DNM2: variants seen among roughly 807,000 people sequenced by gnomAD.
DNM2 encodes dynamin 2.
DNM2 carries 15 observed loss-of-function variants against 99.0 expected under a neutral mutation model. The ratio of observed to expected loss-of-function variants is 0.15; its 90% CI spans 0.10 to 0.23. The LOEUF (loss-of-function observed/expected upper bound fraction) is 0.23, where lower values mean the gene tolerates loss of function less well. Ranked by LOEUF, DNM2 falls within the 10% of genes least tolerant of loss-of-function variation. The pLI is 1.00. For missense variants in DNM2, 742 were observed against 1,189.4 expected, an observed-to-expected ratio of 0.62 and a Z score of 5.53; for synonymous variants, 525 against 481.2, an observed-to-expected ratio of 1.09 and a Z score of -1.19.
At position 10,811,461 on chromosome 19, in the gene DNM2, G is replaced by A. The variant is rs560224493; in HGVS notation, c.1558-803G>A. The A allele has an allele frequency of 1.4e-5, 5 of 351,590 alleles. No individual in the cohort carries two copies. Among genetic ancestry groups the A allele is most frequent in the South Asian group, 1.0e-4 (5 of 47,768 alleles). The allele number at this position is 351,590 out of a possible 1,614,324, so 21.8% of individuals were successfully genotyped here. A position where few individuals can be genotyped will look rare whatever the true frequency, so the allele number is the denominator to read the frequency against. On this transcript the variant is annotated intron_variant, in intron 14 of 20. Coordinates refer to ENST00000389253, the MANE Select transcript of DNM2 (RefSeq NM_001005361.3). The surrounding 1 kb of genome is among the most constrained non-coding windows in gnomAD (Gnocchi z 5.4). ...GGATGCAGGCCAGCCCTTCGCAGCT[G>A]TCCATGGCCATGCTCAGCCCACCCT... is the stretch of plus-strand genomic sequence containing the variant.
chr19:10,753,972 A>G (rs944121600), intron 1 of DNM2, among the ~76,000 whole-genome samples: 1 of 152,210 alleles, frequency 6.6e-6, no homozygotes, highest in African/African-American at 2.4e-5. Flanking sequence ...TCTTATATAT[A>G]AGGTGATTGA....
intron 1 of DNM2, among the ~76,000 whole-genome samples, chr19:10,753,399 C>G (rs1251793892): frequency 2.3e-4 from 28 of 123,568 alleles, no homozygotes; most frequent in African/African-American, 8.1e-4. Context: ...CCCCCCTCCC[C>G]CTTCCCTTCC....
chr19:10,811,594 C>T lies in DNM2; in HGVS notation c.1558-670C>T. On this transcript the variant is annotated intron_variant, in intron 14 of 20. Coordinates refer to ENST00000389253, the MANE Select transcript of DNM2 (RefSeq NM_001005361.3). This position sits in a 1 kb window ranked among gnomAD's most constrained non-coding sequence, Gnocchi z 5.4. ...CCCTCGTCCTGAGTGGGGTGGGGGG[C>T]TCTGCCCACACATGCCTCCAGCGGC... The T allele has an allele frequency of 2.4e-6, 1 of 422,554 alleles. No individual in the cohort carries two copies. Among genetic ancestry groups the T allele is most frequent in the East Asian group, 7.1e-5 (1 of 14,184 alleles). 26.2% of individuals were successfully genotyped at this position (422,554 alleles called of 1,614,324 possible).
chr19:10,769,157 C>T (rs2145898139), intron 2 of DNM2: 1 of 152,356 alleles, frequency 6.6e-6, no homozygotes, highest in East Asian at 1.9e-4. Flanking sequence ...TGGCTATGCT[C>T]TTCCTGTGCA....
intron 17 of DNM2, chr19:10,824,726 C>T: frequency 2.6e-6 from 1 of 378,424 alleles, no homozygotes; most frequent in Non-Finnish European, 5.0e-6. Context: ...ATCACTTGAG[C>T]TCTCCCTGGG....
chr19:10,721,301 C>T (rs756298143), intron 1 of DNM2, among the ~76,000 whole-genome samples: 24 of 152,096 alleles, frequency 1.6e-4, no homozygotes, highest in Non-Finnish European at 2.6e-4. Context: ...GGATTACAGG[C>T]GCGCGTTACC....
intron 2 of DNM2, among the ~76,000 whole-genome samples, chr19:10,761,029 G>A (rs528324032): frequency 1.3e-5 from 2 of 151,194 alleles, no homozygotes; most frequent in African/African-American, 2.4e-5. Context: ...TTGCTCTGTC[G>A]CCAGGCTGGA....
intron 19 of DNM2, 129 bp from the exon 20 acceptor site, chr19:10,829,997 TG>T: frequency 7.3e-7 from 1 of 1,371,342 alleles, no homozygotes; most frequent in Non-Finnish European, 1.0e-6. Context: ...CAGGTTGGGG[TG>T]GGAGGATCCC....
At chr19:10,739,406 A>G (rs559305146) in intron 1 of DNM2, among the ~76,000 whole-genome samples, 1 of 152,196 alleles carries the variant, frequency 6.6e-6, no homozygotes, top group Non-Finnish European at 1.5e-5. Flanking sequence ...AAACCCATAC[A>G]TATGAAGCAG....
At position 10,767,218 on chromosome 19, in the gene DNM2, TA is replaced by T. The variant is rs5827112; in HGVS notation, c.236-5245del. ...CTGATTCTTTGGGCCAGTGGATTGT[TA>T]AAAAAAAAAAAAAAATCATCTCATC... On this transcript the variant is annotated intron_variant, in intron 2 of 20. Coordinates refer to ENST00000389253, the MANE Select transcript of DNM2 (RefSeq NM_001005361.3). 3.2e-3 allele frequency among the ~76,000 whole-genome samples: 462 copies of T among 142,562 alleles called. 1 individual carries two copies. Among genetic ancestry groups the T allele is most frequent in the Middle Eastern group, 0.021 (6 of 280 alleles). The allele number at this position is 142,562 out of a possible 152,430, so 93.5% of individuals were successfully genotyped here.
chr19:10,749,117 C>A (rs945246008), intron 1 of DNM2, among the ~76,000 whole-genome samples: 14 of 152,184 alleles, frequency 9.2e-5, no homozygotes, highest in Non-Finnish European at 1.9e-4. Flanking sequence ...TGAGGGGTGG[C>A]TTGCCCTGGG....
At chr19:10,734,358 AG>A (rs2069444003) in intron 1 of DNM2, among the ~76,000 whole-genome samples, 1 of 149,854 alleles carries the variant, frequency 6.7e-6, no homozygotes, top group Non-Finnish European at 1.5e-5. Context: ...AAAAAAAAAA[AG>A]GAAGGGAGGC....
At chr19:10,815,524 A>C (rs1373775424) in intron 15 of DNM2, among the ~76,000 whole-genome samples, 1 of 152,146 alleles carries the variant, frequency 6.6e-6, no homozygotes, top group Non-Finnish European at 1.5e-5. Context: ...GGCTCACTGC[A>C]TGTGTCCCAG....
At chr19:10,814,485 C>T (rs917216425) in intron 15 of DNM2, among the ~76,000 whole-genome samples, 1 of 152,092 alleles carries the variant, frequency 6.6e-6, no homozygotes, top group Non-Finnish European at 1.5e-5. Flanking sequence ...AAACACCAGA[C>T]AATTGTTGTT....
chr19:10,790,656 A>AT (rs1568302649), intron 7 of DNM2, among the ~76,000 whole-genome samples: 4 of 152,220 alleles, frequency 2.6e-5, no homozygotes, highest in Non-Finnish European at 5.9e-5. Flanking sequence ...TAGTAAAGAC[A>AT]GGGGTTTCAC....
chr19:10,829,888 T>C (rs945698001), intron 19 of DNM2, among the ~76,000 whole-genome samples: 11 of 152,132 alleles, frequency 7.2e-5, no homozygotes, highest in Admixed American at 3.9e-4. Context: ...GGAAGTGTCT[T>C]TGGCTGTGAG....
chr19:10,791,739 G>A (rs1009997781), intron 7 of DNM2, among the ~76,000 whole-genome samples: 1 of 152,062 alleles, frequency 6.6e-6, no homozygotes, highest in Admixed American at 6.6e-5. Flanking sequence ...TCTGTCATTA[G>A]TTTAGTGCTA....
At chr19:10,828,363 G>A (rs1286881578) in intron 18 of DNM2, among the ~76,000 whole-genome samples, 6 of 151,860 alleles carry the variant, frequency 4.0e-5, no homozygotes, top group Admixed American at 6.6e-5. Flanking sequence ...TGAGGCAGGC[G>A]GATCATAAGG....
intron 1 of DNM2, among the ~76,000 whole-genome samples, chr19:10,756,903 A>G (rs2070406552): frequency 1.3e-5 from 2 of 152,028 alleles, no homozygotes; most frequent in Non-Finnish European, 1.5e-5. Flanking sequence ...CATGAACCAC[A>G]GCGGTCACCC....
Sources: allele counts gnomAD v4.1 joint callset (sites outside exome capture counted in the v4.1 genomes callset), GRCh38; gene constraint gnomAD v4.1.1; non-coding constraint Gnocchi (gnomAD v3.1); transcripts MANE v1.5; gene names NCBI Gene and HGNC (gene_info 2026-07-23, HGNC 2026-07-21).